Variants in NLGN3 observed in about 807,000 individuals in gnomAD.
The protein encoded by NLGN3 is neuroligin-3.
A neutral mutation model predicts 42.9 loss-of-function variants in NLGN3; 11 were observed. The ratio of observed to expected loss-of-function variants is 0.26; its 90% CI spans 0.16 to 0.42. The LOEUF is 0.42. Among genes scored for constraint, NLGN3 ranks in the 10% least tolerant of loss-of-function variants. The pLI is 1.00. For synonymous variants in NLGN3, 279 were observed against 312.7 expected (o/e 0.89, Z 1.14); for missense variants, 374 against 733.8 (o/e 0.51, Z 5.67).
chrX:71,148,696 G>A (rs2092380381), intron 2 of NLGN3, 150 bp from the exon 3 acceptor site: 2 of 475,722 alleles, frequency 4.2e-6, no homozygotes, highest in Non-Finnish European at 7.0e-6. Context: ...TCACACTAAG[G>A]TAAGTGACAG....
At chrX:71,168,621 C>T (rs1360617802) in intron 7 of NLGN3, among the ~76,000 whole-genome samples, 64 of 105,409 alleles carry the variant, frequency 6.1e-4, no homozygotes, top group Non-Finnish European at 1.7e-4. Flanking sequence ...GTCCCGGCTA[C>T]CTAGGCAGGA....
downstream of NLGN3, among the ~76,000 whole-genome samples, chrX:71,172,671 A>G (rs2147921043): frequency 9.1e-6 from 1 of 109,625 alleles, no homozygotes; most frequent in East Asian, 2.8e-4. Context: ...CTAGAAAGGA[A>G]AAAGCTGATG....
chrX:71,158,995 C>T (rs73217039), intron 5 of NLGN3, among the ~76,000 whole-genome samples: 15,780 of 110,520 alleles, frequency 0.14, 1,174 homozygotes, highest in Admixed American at 0.31. Context: ...TGCACACATG[C>T]GTGTGTGCAC....
At chrX:71,167,873 C>T (rs1279600194) in intron 7 of NLGN3, 73 bp downstream of exon 7, 1 of 927,485 alleles carries the variant, frequency 1.1e-6, no homozygotes, top group Non-Finnish European at 1.6e-6. Context: ...CTAGCTAAAC[C>T]TCTTCCATCA....
At chrX:71,166,663 C>T (rs995674676) in intron 6 of NLGN3, among the ~76,000 whole-genome samples, 1 of 111,398 alleles carries the variant, frequency 9.0e-6, no homozygotes, top group Non-Finnish European at 1.9e-5. Context: ...TGCGCTGGCA[C>T]GGAGCTGGGC....
rs1394679943 is a variant in NLGN3, at chrX:71,148,762, A to C, written c.458-84A>C. On this transcript the variant is annotated intron_variant, in intron 2 of 7. Transcript: ENST00000358741. ...CCATGTGCCGCCTGCAGAGCAGCTC[A>C]GCTCTTGGGGCCTGGGGGGTGGGGG... The C allele has an allele frequency of 1.1e-5, 9 of 828,735 alleles. No homozygotes were observed. The African/African-American group carries it at 1.4e-4, about 13-fold the overall frequency. The allele number at this position is 828,735 out of a possible 1,213,427, so 68.3% of individuals were successfully genotyped here.
At chrX:71,159,432 G>A (rs1371252139) in intron 5 of NLGN3, among the ~76,000 whole-genome samples, 1 of 112,301 alleles carries the variant, frequency 8.9e-6, no homozygotes, top group Non-Finnish European at 1.9e-5. Context: ...ACTCGCACTT[G>A]ACAGCCCCGT....
Position 71,171,196 on chromosome X carries a change from T to C in NLGN3, c.*1099T>C. ...TAAAAATAAAAAATCCAGTTAGCACTCCCAACCTGCCTCCCTTGCACAGGC... is the reference window on the plus strand; with the variant it reads ...TAAAAATAAAAAATCCAGTTAGCACCCCCAACCTGCCTCCCTTGCACAGGC... On this transcript the variant is annotated 3_prime_UTR_variant, in exon 8 of 8. Transcript: ENST00000358741. The C allele has an allele frequency of 1.3e-6, 1 of 753,244 alleles. No individual in the cohort carries two copies. Among genetic ancestry groups the C allele is most frequent in the Non-Finnish European group, 1.6e-6 (1 of 639,016 alleles). The allele number at this position is 753,244 out of a possible 1,213,427, so 62.1% of individuals were successfully genotyped here. A position where few individuals can be genotyped will look rare whatever the true frequency, so the allele number is the denominator to read the frequency against.
chrX:71,150,770 T>C (rs2147869310), intron 3 of NLGN3, among the ~76,000 whole-genome samples: 1 of 110,153 alleles, frequency 9.1e-6, no homozygotes, highest in East Asian at 2.9e-4. Flanking sequence ...GCATTCACAT[T>C]AACCATTTCT....
At chrX:71,151,957 C>T (rs1020253246) in intron 3 of NLGN3, among the ~76,000 whole-genome samples, 1 of 111,875 alleles carries the variant, frequency 8.9e-6, no homozygotes, top group Non-Finnish European at 1.9e-5. Flanking sequence ...TAGGTGCCAC[C>T]GGAAGTTCAG....
chrX:71,171,627 G>A, downstream of NLGN3: 1 of 747,273 alleles, frequency 1.3e-6, no homozygotes, highest in Non-Finnish European at 1.6e-6. Context: ...CTAACGTGCT[G>A]AAATTCTTTC....
At chrX:71,164,468 G>T in intron 6 of NLGN3, 140 bp downstream of exon 6, 2 of 582,624 alleles carry the variant, frequency 3.4e-6, no homozygotes, top group Non-Finnish European at 5.3e-6. Flanking sequence ...AAGTGGAAGA[G>T]AAATGTTTCT....
At chrX:71,165,613 C>T (rs774277871) in intron 6 of NLGN3, among the ~76,000 whole-genome samples, 2 of 111,162 alleles carry the variant, frequency 1.8e-5, no homozygotes, top group Non-Finnish European at 3.8e-5. Flanking sequence ...CAACCTGTTC[C>T]TCCCAGGCTC....
intron 3 of NLGN3, among the ~76,000 whole-genome samples, chrX:71,153,058 A>C (rs982160039): frequency 9.1e-6 from 1 of 109,882 alleles, no homozygotes; most frequent in Non-Finnish European, 1.9e-5. Flanking sequence ...GTCACCCCTC[A>C]CCCTTGGTAC....
Position 71,170,365 on chromosome X carries a change from T to A in NLGN3, c.*268T>A. ...GAGTCCTCGGTAAACCGAGGACCCA[T>A]GAAACAGCAGCTGAAGCCAGCTCCC... On this transcript the variant is annotated 3_prime_UTR_variant, in exon 8 of 8. Coordinates refer to ENST00000358741, the MANE Select transcript of NLGN3 (RefSeq NM_181303.2). The A allele has an allele frequency of 9.9e-7, 1 of 1,006,002 alleles. No individual in the cohort carries two copies. Among genetic ancestry groups the A allele is most frequent in the Non-Finnish European group, 1.3e-6 (1 of 789,644 alleles). The allele number at this position is 1,006,002 out of a possible 1,213,427, so 82.9% of individuals were successfully genotyped here.
chrX:71,156,351 C>T (rs973985172), intron 5 of NLGN3, among the ~76,000 whole-genome samples: 13 of 109,353 alleles, frequency 1.2e-4, no homozygotes, highest in Non-Finnish European at 2.5e-4. Flanking sequence ...ATTCCCCTTC[C>T]CTACACACAT....
At chrX:71,155,515 A>G (rs1346545261) in intron 5 of NLGN3, 152 bp downstream of exon 5, 1 of 692,128 alleles carries the variant, frequency 1.4e-6, no homozygotes, top group Non-Finnish European at 2.3e-6. Context: ...CCCTACCCAA[A>G]TGCTAGGGGC....
chrX:71,151,580 G>A (rs1241981094), intron 3 of NLGN3, among the ~76,000 whole-genome samples: 2 of 112,128 alleles, frequency 1.8e-5, no homozygotes, highest in Non-Finnish European at 3.8e-5. Flanking sequence ...AATGGTGGTC[G>A]GCAGTCAGGC....
At chrX:71,155,188 CTG>C in intron 4 of NLGN3, 24 bp from the exon 5 acceptor site, 8 of 1,211,179 alleles carry the variant, frequency 6.6e-6, no homozygotes, top group Non-Finnish European at 8.9e-6. Context: ...CCCACCCAGC[CTG>C]TGTCTCACCC....
Sources: gnomAD v4.1 joint callset for allele counts (sites outside exome capture counted in the v4.1 genomes callset) on GRCh38, gnomAD v4.1.1 for gene constraint, MANE v1.5 for transcripts, NCBI Gene and HGNC (gene_info 2026-07-23, HGNC 2026-07-21) for gene names.